TSC22D1: variants seen among roughly 807,000 people sequenced by gnomAD.
The protein encoded by TSC22D1 is TSC22 domain family member 1, also known as TSC22 domain family protein 1.
In TSC22D1, 9 loss-of-function variants were observed where a neutral mutation model predicts 74.2. The ratio of observed to expected loss-of-function variants is 0.12; its 90% CI spans 0.07 to 0.21. The LOEUF is 0.21. Ranked by LOEUF, TSC22D1 falls within the 10% of genes least tolerant of loss-of-function variation. The probability of loss-of-function intolerance (pLI) is 1.00; values close to 1 mark genes in which losing one functional copy is unlikely to be tolerated. For synonymous variants in TSC22D1, 586 were observed against 492.5 expected, an observed-to-expected ratio of 1.19 and a Z score of -2.51; for missense variants, 1,427 against 1,304.7, an observed-to-expected ratio of 1.09 and a Z score of -1.44.
chr13:44,576,389 G>A (rs567548183), upstream of TSC22D1: 5 of 292,672 alleles, frequency 1.7e-5, no homozygotes, highest in Admixed American at 9.6e-5. Context: ...GGGGCAGGAG[G>A]GAGGGGGAGA....
intron 1 of TSC22D1, among the ~76,000 whole-genome samples, chr13:44,494,374 T>TTAA (rs1566138860): frequency 1.0e-4 from 1 of 9,990 alleles, no homozygotes; most frequent in Non-Finnish European, 1.6e-4. Context: ...AGACTCCGTA[T>TTAA]CAAAAAAAAA....
intron 1 of TSC22D1, among the ~76,000 whole-genome samples, chr13:44,437,641 A>G (rs1874830656): frequency 6.6e-6 from 1 of 152,172 alleles, no homozygotes; most frequent in South Asian, 2.1e-4. Flanking sequence ...TTTAGACCCA[A>G]AAAAGTCAAT....
chr13:44,448,179 G>A (rs542580907), intron 1 of TSC22D1, among the ~76,000 whole-genome samples: 57 of 152,090 alleles, frequency 3.7e-4, no homozygotes, highest in Non-Finnish European at 7.1e-4. Flanking sequence ...CCTCATGCAA[G>A]TGAGGTTCTT....
chr13:44,528,937 A>C (rs539873096), intron 1 of TSC22D1, among the ~76,000 whole-genome samples: 1 of 152,222 alleles, frequency 6.6e-6, no homozygotes, highest in South Asian at 2.1e-4. Flanking sequence ...GAAAAAACAG[A>C]TAAACTGAAT....
At chr13:44,537,375 T>TACA (rs1451398106) in intron 1 of TSC22D1, 1 of 985,168 alleles carries the variant, frequency 1.0e-6, no homozygotes, top group Non-Finnish European at 1.2e-6. Flanking sequence ...GAAATGCACT[T>TACA]ACATTTCCTT....
intron 1 of TSC22D1, among the ~76,000 whole-genome samples, chr13:44,464,713 A>C (rs1877172737): frequency 6.6e-6 from 1 of 152,238 alleles, no homozygotes; most frequent in South Asian, 2.1e-4. Flanking sequence ...GTATAGCAGC[A>C]GGAAGAATCT....
At chr13:44,545,018 G>C (rs1881729040) in intron 1 of TSC22D1, among the ~76,000 whole-genome samples, 1 of 152,062 alleles carries the variant, frequency 6.6e-6, no homozygotes. Context: ...GGCAACCTAA[G>C]GGTCAAGAAA....
chr13:44,562,481 C>T (rs1302820586), intron 1 of TSC22D1, among the ~76,000 whole-genome samples: 6 of 152,044 alleles, frequency 3.9e-5, no homozygotes, highest in Non-Finnish European at 1.5e-5. Flanking sequence ...AGCAAAATAA[C>T]CAAAATGCTC....
At chr13:44,534,880 A>G (rs1881057095) in intron 1 of TSC22D1, among the ~76,000 whole-genome samples, 1 of 152,154 alleles carries the variant, frequency 6.6e-6, no homozygotes, top group South Asian at 2.1e-4. Context: ...ATTCCAGGCA[A>G]TAATCTCATG....
chr13:44,435,747 T>G, intron 2 of TSC22D1: 1 of 459,630 alleles, frequency 2.2e-6, no homozygotes, highest in Non-Finnish European at 4.0e-6. Flanking sequence ...CCGAAGGAGA[T>G]AGTTGGCCAG....
chr13:44,454,783 G>A (rs1299943878), intron 1 of TSC22D1, among the ~76,000 whole-genome samples: 2 of 152,072 alleles, frequency 1.3e-5, no homozygotes, highest in Admixed American at 6.6e-5. Flanking sequence ...AGGCGCAAAG[G>A]AGTTATGTGA....
intron 1 of TSC22D1, among the ~76,000 whole-genome samples, chr13:44,458,731 A>G (rs1268360796): frequency 6.6e-6 from 1 of 152,176 alleles, no homozygotes; most frequent in Non-Finnish European, 1.5e-5. Context: ...CTGATTTTGC[A>G]GCAAAGTTAT....
rs566619400 is a variant in TSC22D1, at chr13:44,559,752, G to A, written c.2912+13411C>T. Among the ~76,000 whole-genome samples, 10 of 150,766 alleles carry A rather than the reference G, an allele frequency of 6.6e-5. No individual in the cohort carries two copies. In the South Asian group the frequency reaches 8.4e-4, roughly 13 times the overall value. Reference sequence around the variant, plus strand: ...GCTGCCCAGGCTGGAGTACAGTGGCGTGATCTCAGCTCACTGCAACCTCTG... The same window carrying A: ...GCTGCCCAGGCTGGAGTACAGTGGCATGATCTCAGCTCACTGCAACCTCTG... On this transcript the variant is annotated intron_variant, in intron 1 of 2. Coordinates refer to ENST00000458659, the MANE Select transcript of TSC22D1 (RefSeq NM_183422.4).
chr13:44,510,111 C>T (rs377302192), intron 1 of TSC22D1, among the ~76,000 whole-genome samples: 135 of 151,716 alleles, frequency 8.9e-4, no homozygotes, highest in East Asian at 7.8e-3. Flanking sequence ...CCGCTAGGCA[C>T]GGTGGCTCAC....
At chr13:44,481,660 C>T (rs1878183292) in intron 1 of TSC22D1, among the ~76,000 whole-genome samples, 1 of 152,134 alleles carries the variant, frequency 6.6e-6, no homozygotes, top group Non-Finnish European at 1.5e-5. Flanking sequence ...CTCCACCCAC[C>T]CTGAAGGCTG....
intron 1 of TSC22D1, among the ~76,000 whole-genome samples, chr13:44,531,581 GTTC>G (rs144287054): frequency 6.6e-6 from 1 of 151,984 alleles, no homozygotes; most frequent in Non-Finnish European, 1.5e-5. Flanking sequence ...GTAAATGTTT[GTTC>G]TTATTTTCCC....
At chr13:44,569,616 G>GGT (rs1883617175) in intron 1 of TSC22D1, among the ~76,000 whole-genome samples, 1 of 152,118 alleles carries the variant, frequency 6.6e-6, no homozygotes, top group Non-Finnish European at 1.5e-5. Context: ...CTATTTTATA[G>GGT]GTAACACACA....
chr13:44,556,999 C>G (rs1022994077), intron 1 of TSC22D1, among the ~76,000 whole-genome samples: 3 of 150,662 alleles, frequency 2.0e-5, no homozygotes, highest in Admixed American at 1.3e-4. Flanking sequence ...CAAAATTAGC[C>G]AGGCATGGTG....
chr13:44,561,812 G>A (rs532938033), intron 1 of TSC22D1, among the ~76,000 whole-genome samples: 2 of 151,922 alleles, frequency 1.3e-5, no homozygotes, highest in African/African-American at 2.4e-5. Context: ...ATTTAAAATA[G>A]GTGAAAAAAA....
Sources: gnomAD v4.1 joint callset for allele counts (sites outside exome capture counted in the v4.1 genomes callset) on GRCh38, gnomAD v4.1.1 for gene constraint, MANE v1.5 for transcripts, NCBI Gene and HGNC (gene_info 2026-07-23, HGNC 2026-07-21) for gene names.